INPP4B: variants seen among roughly 807,000 people sequenced by gnomAD.
INPP4B encodes inositol polyphosphate 4-phosphatase type II.
A neutral mutation model predicts 122.5 loss-of-function variants in INPP4B; 55 were observed. The observed-to-expected ratio is 0.45, with a 90% confidence interval of 0.36 to 0.56. The LOEUF is 0.56. INPP4B is among the 20% of genes least tolerant of loss of function. The probability of loss-of-function intolerance (pLI) is 0.00; values close to 1 mark genes in which losing one functional copy is unlikely to be tolerated. For missense variants in INPP4B, 1,000 were observed against 1,097.7 expected, an observed-to-expected ratio of 0.91 and a Z score of 1.26; for synonymous variants, 403 against 388.7, an observed-to-expected ratio of 1.04 and a Z score of -0.43.
chr4:142,249,547 A>G (rs983266602), intron 11 of INPP4B, among the ~76,000 whole-genome samples: 1 of 152,186 alleles, frequency 6.6e-6, no homozygotes, highest in African/African-American at 2.4e-5. Context: ...AAGTGTTTCT[A>G]AAAGGAAGGA....
At chr4:142,392,968 T>C (rs987776427) in intron 7 of INPP4B, among the ~76,000 whole-genome samples, 1 of 152,208 alleles carries the variant, frequency 6.6e-6, no homozygotes, top group Non-Finnish European at 1.5e-5. Context: ...AACTTAGTAT[T>C]ATCCTCTTGA....
chr4:142,208,444 T>A lies in INPP4B; in HGVS notation c.1053A>T (p.Val351=). Residue 351 remains valine, a synonymous_variant, in exon 14 of 26, where the codon GTA becomes GTT. Coordinates refer to ENST00000262992, the MANE Select transcript of INPP4B (RefSeq NM_001101669.3). The stretch of plus-strand genomic sequence containing the variant: ...TGATACCTTTCAAGTGAGGGCTGTG[T>A]ACCTGCATTCTTTGCAGATGTAGAT... ...PINLHLQRMQ[V]HSPHLKDALY... 1 of 1,580,824 alleles carries A rather than the reference T, an allele frequency of 6.3e-7. No homozygotes were observed. The highest frequency in any genetic ancestry group is 8.6e-7 in the Non-Finnish European group (1 of 1,156,348).
chr4:142,252,629 G>C (rs1732903261), intron 11 of INPP4B, among the ~76,000 whole-genome samples: 1 of 152,146 alleles, frequency 6.6e-6, no homozygotes, highest in African/African-American at 2.4e-5. Flanking sequence ...TTAGCATACA[G>C]TTTAATACCT....
intron 7 of INPP4B, among the ~76,000 whole-genome samples, chr4:142,376,180 C>T (rs1370250796): frequency 6.6e-6 from 1 of 151,872 alleles, no homozygotes; most frequent in Non-Finnish European, 1.5e-5. Flanking sequence ...CAACTGAAAC[C>T]TAGTGTAGCA....
chr4:142,071,866 G>A (rs1767592672), intron 25 of INPP4B, among the ~76,000 whole-genome samples: 1 of 152,208 alleles, frequency 6.6e-6, no homozygotes, highest in African/African-American at 2.4e-5. Context: ...TGGAGAAATA[G>A]GAACACCTTT....
At chr4:142,062,299 C>T (rs888257081) in intron 25 of INPP4B, among the ~76,000 whole-genome samples, 29 of 151,964 alleles carry the variant, frequency 1.9e-4, no homozygotes, top group Non-Finnish European at 3.5e-4. Flanking sequence ...CATCACAGCA[C>T]CACACCATCA....
At chr4:142,620,791 TTTCA>T (rs1213336771) in intron 2 of INPP4B, among the ~76,000 whole-genome samples, 1 of 152,024 alleles carries the variant, frequency 6.6e-6, no homozygotes, top group Non-Finnish European at 1.5e-5. Context: ...TTTTTAATTG[TTTCA>T]TTATTTTCAG....
intron 2 of INPP4B, among the ~76,000 whole-genome samples, chr4:142,601,185 A>C (rs1194737088): frequency 2.6e-5 from 4 of 152,122 alleles, no homozygotes. Flanking sequence ...AGCAAGAAAA[A>C]CCGGACTTTA....
At chr4:142,288,400 T>C (rs980885486) in intron 9 of INPP4B, among the ~76,000 whole-genome samples, 1 of 152,144 alleles carries the variant, frequency 6.6e-6, no homozygotes. Flanking sequence ...CTGGTTAACA[T>C]GGTGAAACCC....
At chr4:142,436,743 TC>T (rs1810607814) in intron 3 of INPP4B, among the ~76,000 whole-genome samples, 1 of 150,528 alleles carries the variant, frequency 6.6e-6, no homozygotes, top group Non-Finnish European at 1.5e-5. Flanking sequence ...CACAGAAACC[TC>T]ATCCAAGTGT....
chr4:142,174,504 A>G (rs1359344093), intron 15 of INPP4B, among the ~76,000 whole-genome samples: 1 of 152,152 alleles, frequency 6.6e-6, no homozygotes, highest in Non-Finnish European at 1.5e-5. Context: ...ATTGGACAGA[A>G]AAAGGACATT....
intron 7 of INPP4B, among the ~76,000 whole-genome samples, chr4:142,379,408 A>G (rs974644692): frequency 2.0e-5 from 3 of 152,180 alleles, no homozygotes; most frequent in African/African-American, 4.8e-5. Context: ...ATAAGAAGAA[A>G]TTCTTTGTGA....
chr4:142,307,396 A>C (rs555844072), intron 8 of INPP4B, among the ~76,000 whole-genome samples: 4 of 152,168 alleles, frequency 2.6e-5, no homozygotes, highest in Non-Finnish European at 4.4e-5. Flanking sequence ...CTCTCCAAAA[A>C]ATAATTGAGA....
At chr4:142,498,160 T>C (rs760413594) in intron 2 of INPP4B, among the ~76,000 whole-genome samples, 7 of 151,182 alleles carry the variant, frequency 4.6e-5, no homozygotes, top group African/African-American at 7.3e-5. Flanking sequence ...TGTGTATACA[T>C]ATATATGTAT....
At chr4:142,306,596 C>T (rs568099333) in intron 8 of INPP4B, among the ~76,000 whole-genome samples, 31 of 152,336 alleles carry the variant, frequency 2.0e-4, no homozygotes, top group Non-Finnish European at 2.1e-4. Context: ...GCTGCATCCA[C>T]ACTCAGAGAC....
chr4:142,314,268 T>C (rs911938219), intron 8 of INPP4B, among the ~76,000 whole-genome samples: 7 of 152,130 alleles, frequency 4.6e-5, no homozygotes, highest in Non-Finnish European at 7.4e-5. Context: ...TTTCCAACAT[T>C]GGACTGAACA....
intron 23 of INPP4B, among the ~76,000 whole-genome samples, chr4:142,101,521 T>C (rs1336207690): frequency 2.0e-5 from 3 of 152,280 alleles, no homozygotes; most frequent in South Asian, 4.1e-4. Context: ...TATCCTTTTC[T>C]AGTACAAGGT....
chr4:142,040,679 G>A (rs1052415086), intron 25 of INPP4B, among the ~76,000 whole-genome samples: 8 of 152,144 alleles, frequency 5.3e-5, no homozygotes, highest in African/African-American at 1.7e-4. Flanking sequence ...CCAATACCAT[G>A]TAATTATGCT....
chr4:142,102,345 A>G (rs927217721), intron 23 of INPP4B, among the ~76,000 whole-genome samples: 2 of 152,040 alleles, frequency 1.3e-5, no homozygotes, highest in Non-Finnish European at 2.9e-5. Flanking sequence ...CACAGCTTTT[A>G]CAAATTATAT....
Sources: allele counts gnomAD v4.1 joint callset (sites outside exome capture counted in the v4.1 genomes callset), GRCh38; gene constraint gnomAD v4.1.1; transcripts MANE v1.5; gene names NCBI Gene and HGNC (gene_info 2026-07-23, HGNC 2026-07-21).